Variants in APBB2 observed in about 807,000 individuals in gnomAD.
APBB2 encodes the protein Fe65-like 1.
A neutral mutation model predicts 82.5 loss-of-function variants in APBB2; 38 were observed. The observed-to-expected ratio is 0.46, with a 90% CI of 0.36 to 0.60. The LOEUF (loss-of-function observed/expected upper bound fraction) is 0.60, where lower values mean the gene tolerates loss of function less well. APBB2 is among the 20% of genes least tolerant of loss of function. The pLI, the probability that APBB2 is intolerant of heterozygous loss-of-function variation, is 0.00. For synonymous variants in APBB2, 341 were observed against 368.2 expected, an observed-to-expected ratio of 0.93 and a Z score of 0.85; for missense variants, 772 against 972.3, an observed-to-expected ratio of 0.79 and a Z score of 2.74.
intron 5 of APBB2, among the ~76,000 whole-genome samples, chr4:41,018,587 AGT>A (rs1217005930): frequency 6.6e-6 from 1 of 152,036 alleles, no homozygotes; most frequent in African/African-American, 2.4e-5. Flanking sequence ...GTATATTCTG[AGT>A]GTGTGTGTGT....
At chr4:41,211,717 A>T (rs1218365668) in intron 1 of APBB2, among the ~76,000 whole-genome samples, 1 of 152,008 alleles carries the variant, frequency 6.6e-6, no homozygotes, top group Admixed American at 6.6e-5. Context: ...CCTGACCTCA[A>T]GTGATCTGCC....
intron 17 of APBB2, among the ~76,000 whole-genome samples, chr4:40,819,976 T>C (rs1747244802): frequency 6.6e-6 from 1 of 152,210 alleles, no homozygotes; most frequent in African/African-American, 2.4e-5. Flanking sequence ...CACGCCCGGC[T>C]GAAAGTGAAG....
At chr4:41,066,640 GC>G (rs1027513154) in intron 3 of APBB2, among the ~76,000 whole-genome samples, 54 of 152,318 alleles carry the variant, frequency 3.5e-4, no homozygotes, top group African/African-American at 1.2e-3. Context: ...GTAGGAGTTA[GC>G]CGCGCTAGGG....
intron 12 of APBB2, among the ~76,000 whole-genome samples, chr4:40,887,220 A>T (rs1403480437): frequency 6.6e-6 from 1 of 152,218 alleles, no homozygotes; most frequent in African/African-American, 2.4e-5. Context: ...CTTCCAAGTA[A>T]ATCAAAACCA....
chr4:40,843,264 G>A (rs984224478), intron 12 of APBB2, among the ~76,000 whole-genome samples: 2 of 152,192 alleles, frequency 1.3e-5, no homozygotes, highest in African/African-American at 4.8e-5. Context: ...CTATGGCCAG[G>A]GTCATGGAGC....
chr4:41,049,179 G>A (rs1467650461), intron 4 of APBB2, among the ~76,000 whole-genome samples: 1 of 149,118 alleles, frequency 6.7e-6, no homozygotes, highest in African/African-American at 2.5e-5. Context: ...TGAGATGTGG[G>A]GAGCGCCTCT....
intron 6 of APBB2, among the ~76,000 whole-genome samples, chr4:40,974,997 G>A (rs1329817258): frequency 6.6e-6 from 1 of 152,172 alleles, no homozygotes; most frequent in Non-Finnish European, 1.5e-5. Context: ...GCTACAACAA[G>A]AGACACTTCA....
intron 4 of APBB2, among the ~76,000 whole-genome samples, chr4:41,048,869 TTCGCTGTGTTGGCCGGGCTGGTCTCCA>T (rs1724487944): frequency 6.6e-6 from 1 of 152,162 alleles, no homozygotes. Flanking sequence ...GAGACAGGGT[TTCGCTGTGTTGGCCGGGCTGGTCTCCA>T]GCTCCTAACC....
At position 40,835,674 on chromosome 4, in the gene APBB2, C is replaced by T. The variant is rs1404036962; in HGVS notation, c.1530-5097G>A. On this transcript the variant is annotated intron_variant, in intron 12 of 17. Transcript: ENST00000508593. Reference sequence around the variant, plus strand: ...GTCTTGCCAGGACTGGCCCTTACTCCGAGCCATCCCAGTCTTGCAATATTA... The same window carrying T: ...GTCTTGCCAGGACTGGCCCTTACTCTGAGCCATCCCAGTCTTGCAATATTA... 3.3e-5 allele frequency among the ~76,000 whole-genome samples: 5 copies of T among 152,210 alleles called. No individual in the cohort carries two copies. In the East Asian group the frequency reaches 5.8e-4, roughly 18 times the overall value.
intron 5 of APBB2, among the ~76,000 whole-genome samples, chr4:41,018,690 G>A (rs6842478): frequency 0.73 from 111,209 of 152,076 alleles, 41,235 homozygotes; most frequent in East Asian, 0.89. Context: ...AAGTAATGTA[G>A]ACCAGGCAAT....
intron 4 of APBB2, among the ~76,000 whole-genome samples, chr4:41,049,576 G>T (rs1273202897): frequency 6.6e-6 from 1 of 150,976 alleles, no homozygotes; most frequent in African/African-American, 2.4e-5. Flanking sequence ...CTGCCCAACC[G>T]CCCCTTCTGG....
At chr4:41,019,924 CAGAG>C (rs1265503079) in intron 5 of APBB2, among the ~76,000 whole-genome samples, 1 of 150,644 alleles carries the variant, frequency 6.6e-6, no homozygotes, top group African/African-American at 2.4e-5. Flanking sequence ...GAGAAGGAGA[CAGAG>C]AGAGGAAGAG....
chr4:41,054,912 C>T (rs1224781948), intron 4 of APBB2, among the ~76,000 whole-genome samples: 1 of 152,198 alleles, frequency 6.6e-6, no homozygotes, highest in Non-Finnish European at 1.5e-5. Context: ...CCCGATCAAA[C>T]AGGCACATCC....
chr4:40,872,121 G>C (rs1335146065), intron 12 of APBB2, among the ~76,000 whole-genome samples: 2 of 152,238 alleles, frequency 1.3e-5, no homozygotes, highest in African/African-American at 4.8e-5. Context: ...ATTTCCAGCA[G>C]AAATGTTCAG....
intron 12 of APBB2, among the ~76,000 whole-genome samples, chr4:40,864,809 C>T (rs1031660859): frequency 1.3e-5 from 2 of 150,954 alleles, no homozygotes; most frequent in Admixed American, 1.3e-4. Flanking sequence ...AATTGTTATC[C>T]TCCATGGTTC....
rs1780163196 is a variant in APBB2, at chr4:41,214,452, G to A, written c.-464C>T. ...CTCGGCTCCGGCGCCCAGCGGCTCT[G>A]CTCCAGTCTCGCCCTTCCCGGAGCG... On this transcript the variant is annotated 5_prime_UTR_variant, in exon 1 of 18. Transcript: ENST00000508593. The A allele has an allele frequency of 6.6e-6, 1 of 152,618 alleles. No homozygotes were observed. Among genetic ancestry groups the A allele is most frequent in the East Asian group, 1.9e-4 (1 of 5,182 alleles). The allele number at this position is 152,618 out of a possible 1,614,324, so 9.5% of individuals were successfully genotyped here. A position where few individuals can be genotyped will look rare whatever the true frequency, so the allele number is the denominator to read the frequency against.
At position 40,826,847 on chromosome 4, in the gene APBB2, A is replaced by G. The variant is rs944033361; in HGVS notation, c.1732+285T>C. 2.5e-5 allele frequency: 8 copies of G among 317,342 alleles called. No individual in the cohort carries two copies. The highest frequency in any genetic ancestry group is 4.4e-5 in the African/African-American group (2 of 45,892). The allele number at this position is 317,342 out of a possible 1,614,324, so 19.7% of individuals were successfully genotyped here. On this transcript the variant is annotated intron_variant, in intron 14 of 17. Transcript: ENST00000508593. The surrounding 1 kb of genome is among the most constrained non-coding windows in gnomAD (Gnocchi z 4.5). Reference sequence around the variant, plus strand: ...TAATATGAAGACAGTATTCTTAAAGAACATAAAATACAAAACAAAATGAAA... The same window carrying G: ...TAATATGAAGACAGTATTCTTAAAGGACATAAAATACAAAACAAAATGAAA...
intron 10 of APBB2, among the ~76,000 whole-genome samples, chr4:40,903,434 T>C (rs1775879736): frequency 6.6e-6 from 1 of 152,196 alleles, no homozygotes; most frequent in African/African-American, 2.4e-5. Context: ...GCCACTGCAC[T>C]CCAGCCTGGG....
intron 6 of APBB2, among the ~76,000 whole-genome samples, chr4:40,995,545 A>C (rs1803392205): frequency 6.6e-6 from 1 of 151,044 alleles, no homozygotes; most frequent in Non-Finnish European, 1.5e-5. Context: ...TTAAAAAAAA[A>C]AAATTTTTTT....
Sources: gnomAD v4.1 joint callset for allele counts (sites outside exome capture counted in the v4.1 genomes callset) on GRCh38, gnomAD v4.1.1 for gene constraint, Gnocchi (gnomAD v3.1) non-coding constraint, MANE v1.5 for transcripts, NCBI Gene and HGNC (gene_info 2026-07-23, HGNC 2026-07-21) for gene names.